Variants in LRRC9 observed in about 807,000 individuals in gnomAD.
LRRC9 encodes the protein leucine rich repeat containing 9, also known as leucine-rich repeat-containing protein 9.
Under a neutral mutation model 63.2 loss-of-function variants are expected in LRRC9, and 122 were observed. That is an observed-to-expected ratio of 1.93 (90% confidence interval 1.67 to 2.24). The LOEUF (loss-of-function observed/expected upper bound fraction) is 2.24. Among genes scored for constraint, LRRC9 ranks in the 30% most tolerant of loss-of-function variants. The pLI, the probability that LRRC9 is intolerant of heterozygous loss-of-function variation, is 0.00. For synonymous variants in LRRC9, 366 were observed against 213.1 expected, an observed-to-expected ratio of 1.72 and a Z score of -6.25; for missense variants, 1,071 against 627.7, an observed-to-expected ratio of 1.71 and a Z score of -7.55.
chr14:60,026,971 A>C (rs1566888299), intron 27 of LRRC9, among the ~76,000 whole-genome samples: 1 of 152,058 alleles, frequency 6.6e-6, no homozygotes. Flanking sequence ...CTCCAAATAC[A>C]GTCACATTTT....
chr14:60,045,265 A>C (rs1893319344), intron 29 of LRRC9, among the ~76,000 whole-genome samples: 1 of 152,088 alleles, frequency 6.6e-6, no homozygotes, highest in Non-Finnish European at 1.5e-5. Context: ...TTTTAAAAAA[A>C]AATTTCAACT....
At chr14:59,985,695 TG>T (rs1198433195) in intron 17 of LRRC9, among the ~76,000 whole-genome samples, 1 of 152,210 alleles carries the variant, frequency 6.6e-6, no homozygotes, top group Non-Finnish European at 1.5e-5. Flanking sequence ...AAATAATTAA[TG>T]GATAAATTAT....
At chr14:59,967,874 T>C (rs1885024506) in intron 12 of LRRC9, among the ~76,000 whole-genome samples, 1 of 152,228 alleles carries the variant, frequency 6.6e-6, no homozygotes, top group Admixed American at 6.5e-5. Context: ...TGTTTCTTCC[T>C]ATCTGTAAAA....
chr14:60,006,623 C>T lies in LRRC9; in HGVS notation c.3063+6C>T, dbSNP rs556292082. 3.5e-5 allele frequency: 21 copies of T among 599,184 alleles called. No individual in the cohort carries two copies. The East Asian group carries it at 6.4e-4, about 18-fold the overall frequency. 37.1% of individuals were successfully genotyped at this position (599,184 alleles called of 1,614,324 possible). On this transcript the variant is annotated splice_donor_region_variant and intron_variant, in intron 22 of 31. Transcript: ENST00000445360. ...AGGAGATGCACAATTTAAAGGTAATCATCTGGGTAGTAATTTTTTTGTTTT... is the reference window on the plus strand; with the variant it reads ...AGGAGATGCACAATTTAAAGGTAATTATCTGGGTAGTAATTTTTTTGTTTT...
intron 13 of LRRC9, among the ~76,000 whole-genome samples, chr14:59,976,029 T>C (rs778721360): frequency 1.1e-4 from 16 of 152,354 alleles, no homozygotes; most frequent in Non-Finnish European, 2.2e-4. Flanking sequence ...ATTTGATTCT[T>C]ATAGGGGCGC....
chr14:60,006,593 C>T (rs1268472848), exon 22 of LRRC9: 1 of 688,492 alleles, frequency 1.5e-6, no homozygotes, highest in Admixed American at 2.1e-5. Context: ...ATATTGCTGT[C>T]AATCAGGAGA....
At chr14:60,009,543 T>C (rs1168547688) in intron 23 of LRRC9, among the ~76,000 whole-genome samples, 3 of 152,172 alleles carry the variant, frequency 2.0e-5, no homozygotes, top group Admixed American at 6.5e-5. Flanking sequence ...CAAGGTGAGA[T>C]TTGGGTGTGG....
chr14:60,018,658 T>C (rs541610031), intron 25 of LRRC9, among the ~76,000 whole-genome samples, 179 bp downstream of exon 25: 1 of 151,992 alleles, frequency 6.6e-6, no homozygotes, highest in South Asian at 2.1e-4. Context: ...GTGATTTTGG[T>C]TTGACCTCAG....
At chr14:60,040,859 G>A (rs1433654229) in intron 29 of LRRC9, among the ~76,000 whole-genome samples, 1 of 151,890 alleles carries the variant, frequency 6.6e-6, no homozygotes, top group African/African-American at 2.4e-5. Flanking sequence ...TAGTATTGAT[G>A]GTCTTTACAA....
At chr14:59,965,495 G>T (rs1884738667) in intron 10 of LRRC9, among the ~76,000 whole-genome samples, 1 of 152,152 alleles carries the variant, frequency 6.6e-6, no homozygotes, top group African/African-American at 2.4e-5. Flanking sequence ...ATGAGAGATC[G>T]TGGTGATTTG....
At chr14:60,015,751 C>A (rs1890625037) in intron 23 of LRRC9, among the ~76,000 whole-genome samples, 1 of 152,164 alleles carries the variant, frequency 6.6e-6, no homozygotes, top group Admixed American at 6.6e-5. Context: ...TACAATAACA[C>A]TTGCATGCAG....
chr14:59,963,216 A>T (rs1365882668), intron 10 of LRRC9, among the ~76,000 whole-genome samples: 1 of 152,216 alleles, frequency 6.6e-6, no homozygotes, highest in African/African-American at 2.4e-5. Flanking sequence ...ACAACAAAAC[A>T]CTGCATGTTT....
intron 28 of LRRC9, chr14:60,030,211 T>G (rs965926418): frequency 6.6e-6 from 1 of 152,072 alleles, no homozygotes; most frequent in Non-Finnish European, 1.5e-5. Context: ...AGGAACAATA[T>G]TTCAAGTGAA....
chr14:59,961,631 A>T (rs2139974454), intron 10 of LRRC9, among the ~76,000 whole-genome samples: 1 of 152,236 alleles, frequency 6.6e-6, no homozygotes, highest in African/African-American at 2.4e-5. Flanking sequence ...TCAGGTCAAA[A>T]GCTTGTATCA....
At chr14:59,996,150 G>C (rs1243673576) in intron 17 of LRRC9, among the ~76,000 whole-genome samples, 1 of 152,114 alleles carries the variant, frequency 6.6e-6, no homozygotes, top group Non-Finnish European at 1.5e-5. Flanking sequence ...GGGAACAGAA[G>C]GGCCATATAG....
chr14:59,961,106 C>T (rs1448239398), intron 10 of LRRC9, 61 bp downstream of exon 10: 5 of 511,036 alleles, frequency 9.8e-6, no homozygotes, highest in African/African-American at 5.9e-5. Context: ...GGATCATCAA[C>T]CAGAATATCA....
chr14:59,925,194 A>C (rs1381526078), intron 1 of LRRC9, among the ~76,000 whole-genome samples: 1 of 152,146 alleles, frequency 6.6e-6, no homozygotes, highest in Admixed American at 6.5e-5. Context: ...CTTGGGTCCC[A>C]TCCCTCCTTC....
chr14:59,933,572 A>C (rs1021230334), intron 6 of LRRC9, among the ~76,000 whole-genome samples: 2 of 152,222 alleles, frequency 1.3e-5, no homozygotes, highest in African/African-American at 4.8e-5. Flanking sequence ...TTTTGAGTTC[A>C]TAAGTATTAA....
At chr14:60,000,373 C>T (rs985445271) in intron 19 of LRRC9, among the ~76,000 whole-genome samples, 1 of 152,074 alleles carries the variant, frequency 6.6e-6, no homozygotes, top group Non-Finnish European at 1.5e-5. Context: ...TTCAATCCTA[C>T]CCCAAACCTC....
Sources: allele counts gnomAD v4.1 joint callset (sites outside exome capture counted in the v4.1 genomes callset), GRCh38; gene constraint gnomAD v4.1.1; transcripts MANE v1.5; gene names NCBI Gene and HGNC (gene_info 2026-07-23, HGNC 2026-07-21).